PITPNM2: variants seen among roughly 807,000 people sequenced by gnomAD.
PITPNM2 encodes phosphatidylinositol transfer protein membrane associated 2, also known as membrane-associated phosphatidylinositol transfer protein 2.
A neutral mutation model predicts 132.2 loss-of-function variants in PITPNM2; 35 were observed. The ratio of observed to expected loss-of-function variants is 0.26; its 90% confidence interval spans 0.20 to 0.35. PITPNM2 has a LOEUF of 0.35. PITPNM2 is among the 10% of genes least tolerant of loss of function. The pLI is 1.00. For synonymous variants in PITPNM2, 738 were observed against 799.2 expected (o/e 0.92, Z 1.29); for missense variants, 1,332 against 1,912.0 (o/e 0.70, Z 5.66).
chr12:122,995,069 C>A, intron 14 of PITPNM2, 90 bp from the exon 15 acceptor site: 1 of 1,370,090 alleles, frequency 7.3e-7, no homozygotes, highest in Non-Finnish European at 9.7e-7. Context: ...CCCAACCTCT[C>A]TCGGGGGCCC....
At chr12:123,021,770 T>G in intron 3 of PITPNM2, 1 of 917,892 alleles carries the variant, frequency 1.1e-6, no homozygotes, top group South Asian at 5.0e-5. Context: ...TTCAAATGTC[T>G]GGGTACAAAC....
rs1247587031 is a variant in PITPNM2, at chr12:123,064,458, G to A, written c.-95-29773C>T. Among the ~76,000 whole-genome samples, 2 of 152,230 alleles carry A rather than the reference G, an allele frequency of 1.3e-5. No individual in the cohort carries two copies. Among genetic ancestry groups the A allele is most frequent in the Admixed American group, 1.3e-4 (2 of 15,288 alleles). On this transcript the variant is annotated intron_variant, in intron 2 of 25. Coordinates refer to ENST00000320201, the MANE Select transcript of PITPNM2 (RefSeq NM_020845.3). This position sits in a 1 kb window ranked among gnomAD's most constrained non-coding sequence, Gnocchi z 4.0. ...CCTGGGCTGGGGGTGGCACAGGGCAGGGGAGCTGAGGGGAGTAGGGAACCA... is the reference window on the plus strand; with the variant it reads ...CCTGGGCTGGGGGTGGCACAGGGCAAGGGAGCTGAGGGGAGTAGGGAACCA...
At chr12:123,125,699 T>C (rs2043122550) in intron 1 of PITPNM2, among the ~76,000 whole-genome samples, 1 of 150,058 alleles carries the variant, frequency 6.7e-6, no homozygotes, top group Non-Finnish European at 1.5e-5. Flanking sequence ...AAAAATTAGC[T>C]GGGCGTGGTG....
chr12:123,051,462 G>A (rs968257805), intron 2 of PITPNM2, among the ~76,000 whole-genome samples: 2 of 152,098 alleles, frequency 1.3e-5, no homozygotes, highest in African/African-American at 2.4e-5. Flanking sequence ...ATTTCTCCAC[G>A]TTTGACTTAA....
In PITPNM2 at chr12:123,083,164, T is replaced by C. The variant is rs1335074015; in HGVS notation, c.-96+27221A>G. ...CCCAGGAGTTTGAGCCCAGCCCCCT[T>C]GGGCAACATAGTGAGACCCCATCTC... is the stretch of plus-strand genomic sequence containing the variant. On this transcript the variant is annotated intron_variant, in intron 2 of 25. Transcript: ENST00000320201. The surrounding 1 kb of genome is among the most constrained non-coding windows in gnomAD (Gnocchi z 4.5). 2 of 152,102 alleles carry C rather than the reference T, an allele frequency of 1.3e-5. No individual in the cohort carries two copies. The highest frequency in any genetic ancestry group is 3.2e-3 in the Middle Eastern group (1 of 316). The allele number at this position is 152,102 out of a possible 1,614,324, so 9.4% of individuals were successfully genotyped here.
chr12:123,033,563 G>C (rs985238252), intron 3 of PITPNM2, among the ~76,000 whole-genome samples: 3 of 152,342 alleles, frequency 2.0e-5, no homozygotes, highest in Non-Finnish European at 4.4e-5. Flanking sequence ...CCACATGTCT[G>C]ACACTGCTTT....
rs2038105738 is a variant in PITPNM2 at position 122,989,826 on chromosome 12, C to T, written c.2692G>A (p.Glu898Lys). ...PPARKASPGL[E>K]RAPGLPELDI... ...AGCTCAGGGAGGCCAGGGGCCCTCT[C>T]CAGGCCAGGGCTTGCCTTCCTGGCT... is the stretch of plus-strand genomic sequence containing the variant. The change falls in exon 18 of 26, where the codon GAG becomes AAG. Residue 898 changes from glutamate (E) to lysine (K), a missense_variant. Transcript: ENST00000320201. 1 of 1,400,614 alleles carries T rather than the reference C, an allele frequency of 7.1e-7. No individual in the cohort carries two copies. 86.8% of individuals were successfully genotyped at this position (1,400,614 alleles called of 1,614,324 possible).
In PITPNM2 at chr12:123,032,477, A is replaced by AAAACAAAC. The variant is rs112632714; in HGVS notation, c.78+2028_78+2035dup. Reference sequence around the variant, plus strand: ...GGCGACAGAGCAAGACTCCATCTCAAAAACAAACAAACAAACAAACAAACA... The same window carrying AAAACAAAC: ...GGCGACAGAGCAAGACTCCATCTCAAAAACAAACAAACAAACAAACAAACAAACAAACA... On this transcript the variant is annotated intron_variant, in intron 3 of 25. Coordinates refer to ENST00000320201, the MANE Select transcript of PITPNM2 (RefSeq NM_020845.3). 3.9e-3 allele frequency among the ~76,000 whole-genome samples: 593 copies of AAAACAAAC among 150,700 alleles called. 2 individuals carry two copies. The highest frequency in any genetic ancestry group is 0.012 in the Admixed American group (179 of 15,150).
At chr12:122,986,375 TCA>T in intron 25 of PITPNM2, 25 bp from the exon 26 acceptor site, 1 of 1,577,050 alleles carries the variant, frequency 6.3e-7, no homozygotes, top group Non-Finnish European at 8.6e-7. Flanking sequence ...AGGACGGCTG[TCA>T]CAGGCTGGGG....
chr12:123,093,350 G>A (rs904591023), intron 2 of PITPNM2, among the ~76,000 whole-genome samples: 1 of 151,996 alleles, frequency 6.6e-6, no homozygotes, highest in Non-Finnish European at 1.5e-5. Context: ...ATTAACTGTG[G>A]TGTTCATTAT....
At position 123,107,387 on chromosome 12, in the gene PITPNM2, C is replaced by G. The variant is rs2042742922; in HGVS notation, c.-96+2998G>C. Among the ~76,000 whole-genome samples, 3 of 152,320 alleles carry G rather than the reference C, an allele frequency of 2.0e-5. No individual in the cohort carries two copies. In the South Asian group the frequency reaches 6.2e-4, roughly 32 times the overall value. On this transcript the variant is annotated intron_variant, in intron 2 of 25. Coordinates refer to ENST00000320201, the MANE Select transcript of PITPNM2 (RefSeq NM_020845.3). ...AAATATTCTCCTTGGCTGGGACCCT[C>G]CTCTTTAAGGCAGACCCCTACTGTG... is the stretch of plus-strand genomic sequence containing the variant.
intron 1 of PITPNM2, among the ~76,000 whole-genome samples, chr12:123,143,213 T>C (rs1410017637): frequency 7.2e-6 from 1 of 139,508 alleles, no homozygotes; most frequent in Non-Finnish European, 1.5e-5. Flanking sequence ...GCTCTCCCAC[T>C]GGCTCACCAC....
At chr12:123,010,909 A>G (rs939800326) in intron 5 of PITPNM2, among the ~76,000 whole-genome samples, 1 of 152,236 alleles carries the variant, frequency 6.6e-6, no homozygotes, top group African/African-American at 2.4e-5. Flanking sequence ...TAGGCCTGAG[A>G]GCAGGGGCAG....
At chr12:123,119,206 C>T (rs2042987446) in intron 1 of PITPNM2, among the ~76,000 whole-genome samples, 2 of 152,194 alleles carry the variant, frequency 1.3e-5, no homozygotes, top group Admixed American at 1.3e-4. Flanking sequence ...TCTCCTGGGA[C>T]TGCTGAGAAT....
intron 2 of PITPNM2, among the ~76,000 whole-genome samples, chr12:123,040,020 C>T (rs1221137570): frequency 6.6e-6 from 1 of 152,074 alleles, no homozygotes; most frequent in Non-Finnish European, 1.5e-5. Context: ...GTGCCAGCTA[C>T]TCGGGAGGCT....
At chr12:123,029,627 G>A (rs112229542) in intron 3 of PITPNM2, among the ~76,000 whole-genome samples, 1,999 of 121,826 alleles carry the variant, frequency 0.016, 30 homozygotes, top group Middle Eastern at 0.027. Context: ...CTACCCCCTT[G>A]GGTCTTGTGG....
chr12:123,030,550 A>G (rs1433501911), intron 3 of PITPNM2, among the ~76,000 whole-genome samples: 1 of 152,066 alleles, frequency 6.6e-6, no homozygotes, highest in African/African-American at 2.4e-5. Context: ...AAAATTAGCC[A>G]GGGGTGGTGG....
intron 2 of PITPNM2, among the ~76,000 whole-genome samples, chr12:123,085,921 C>T (rs1405473949): frequency 1.3e-5 from 2 of 152,208 alleles, no homozygotes; most frequent in East Asian, 1.9e-4. Flanking sequence ...GCCAGGATGC[C>T]CTGTCTCCCT....
intron 18 of PITPNM2, among the ~76,000 whole-genome samples, chr12:122,989,262 C>T (rs1021321065): frequency 2.0e-5 from 3 of 152,164 alleles, no homozygotes; most frequent in Non-Finnish European, 4.4e-5. Context: ...CTGGGAAAGG[C>T]GGCACAGAGA....
Sources: allele counts gnomAD v4.1 joint callset (sites outside exome capture counted in the v4.1 genomes callset), GRCh38; gene constraint gnomAD v4.1.1; non-coding constraint Gnocchi (gnomAD v3.1); transcripts MANE v1.5; gene names NCBI Gene and HGNC (gene_info 2026-07-23, HGNC 2026-07-21).